Variants in MYO6 observed in about 807,000 individuals in gnomAD.
MYO6 encodes the protein myosin VI, also known as unconventional myosin-VI.
In MYO6, 74 loss-of-function variants were observed where a neutral mutation model predicts 178.7. The observed-to-expected ratio is 0.41, with a 90% CI of 0.34 to 0.50. The LOEUF is 0.50. Among genes scored for constraint, MYO6 ranks in the 20% least tolerant of loss-of-function variants. The probability of loss-of-function intolerance (pLI) is 0.09; values close to 1 mark genes in which losing one functional copy is unlikely to be tolerated. For missense variants in MYO6, 1,330 were observed against 1,547.4 expected, an observed-to-expected ratio of 0.86 and a Z score of 2.36; for synonymous variants, 477 against 504.6, an observed-to-expected ratio of 0.95 and a Z score of 0.73.
At chr6:75,794,561 T>C (rs2150096561) in intron 1 of MYO6, among the ~76,000 whole-genome samples, 1 of 152,124 alleles carries the variant, frequency 6.6e-6, no homozygotes, top group South Asian at 2.1e-4. Flanking sequence ...GTTCAATCAG[T>C]AATTTAAGTA....
At chr6:75,784,172 C>T (rs1355434378) in intron 1 of MYO6, among the ~76,000 whole-genome samples, 6 of 151,768 alleles carry the variant, frequency 4.0e-5, no homozygotes, top group African/African-American at 1.2e-4. Context: ...GGGGTTTCAC[C>T]GTGTTAGCCA....
chr6:75,891,140 T>G, intron 26 of MYO6, 88 bp from the exon 27 acceptor site: 1 of 857,472 alleles, frequency 1.2e-6, no homozygotes. Context: ...CTGTTACCTT[T>G]GTTTATTATT....
chr6:75,885,180 A>T (rs892568157), intron 23 of MYO6, among the ~76,000 whole-genome samples: 6 of 152,216 alleles, frequency 3.9e-5, no homozygotes, highest in African/African-American at 1.2e-4. Flanking sequence ...TAATTTTTGC[A>T]AAGGCAAAAT....
At chr6:75,803,881 T>C (rs1326564011) in intron 1 of MYO6, among the ~76,000 whole-genome samples, 3 of 152,258 alleles carry the variant, frequency 2.0e-5, no homozygotes, top group South Asian at 2.1e-4. Flanking sequence ...CTAGGGAGGC[T>C]TTTTCTTTTT....
At chr6:75,839,082 G>C (rs1773945939) in intron 7 of MYO6, among the ~76,000 whole-genome samples, 1 of 152,072 alleles carries the variant, frequency 6.6e-6, no homozygotes, top group South Asian at 2.1e-4. Context: ...ATCTTTAAAA[G>C]AGTTTAGAGA....
intron 3 of MYO6, among the ~76,000 whole-genome samples, chr6:75,827,445 A>G (rs1325281733): frequency 2.2e-4 from 34 of 152,204 alleles, no homozygotes; most frequent in Admixed American, 2.2e-3. Flanking sequence ...TCATGAATGT[A>G]GGTTTATTAA....
intron 31 of MYO6, 55 bp downstream of exon 31, chr6:75,907,763 ATACC>A (rs1381806377): frequency 7.3e-7 from 1 of 1,361,446 alleles, no homozygotes; most frequent in Non-Finnish European, 1.0e-6. Context: ...TAGGTGATAA[ATACC>A]TAGATTAGGG....
chr6:75,882,405 G>T (rs780345672), intron 23 of MYO6, among the ~76,000 whole-genome samples: 3 of 152,044 alleles, frequency 2.0e-5, no homozygotes, highest in Non-Finnish European at 4.4e-5. Context: ...TTCATAAAAG[G>T]TGAAGTCTAA....
At chr6:75,872,860 A>G (rs1424724377) in intron 19 of MYO6, among the ~76,000 whole-genome samples, 1 of 150,832 alleles carries the variant, frequency 6.6e-6, no homozygotes, top group Non-Finnish European at 1.5e-5. Flanking sequence ...GCTCACTGCA[A>G]CCTCCACCTC....
intron 1 of MYO6, among the ~76,000 whole-genome samples, chr6:75,771,429 C>G (rs1412467995): frequency 6.6e-6 from 1 of 152,094 alleles, no homozygotes; most frequent in Non-Finnish European, 1.5e-5. Flanking sequence ...TATTTTAACT[C>G]AAGGTACATT....
chr6:75,783,282 T>C (rs558070558), intron 1 of MYO6, among the ~76,000 whole-genome samples: 14 of 152,348 alleles, frequency 9.2e-5, no homozygotes, highest in Admixed American at 4.6e-4. Flanking sequence ...TTAGTTTTTC[T>C]ATCCTTTGGG....
intron 1 of MYO6, among the ~76,000 whole-genome samples, chr6:75,787,743 T>C (rs1767792895): frequency 8.6e-6 from 1 of 115,958 alleles, no homozygotes; most frequent in Non-Finnish European, 1.8e-5. Context: ...TATATATATA[T>C]ATATATATAT....
At chr6:75,783,302 A>T (rs1767176904) in intron 1 of MYO6, among the ~76,000 whole-genome samples, 1 of 152,144 alleles carries the variant, frequency 6.6e-6, no homozygotes, top group African/African-American at 2.4e-5. Context: ...GAAATAGCCT[A>T]TAGGCACAAG....
rs919473532 is a variant in MYO6 at position 75,914,808 on chromosome 6, T to C, written c.3659-5T>C. ...TGGTAATTTTCTGATATCTCATGAA[T>C]ACAGGTAAGGACGACATGGAGATGT... is the stretch of plus-strand genomic sequence containing the variant. On this transcript the variant is annotated splice_polypyrimidine_tract_variant and splice_region_variant and intron_variant, in intron 34 of 34. Coordinates refer to ENST00000369977, the MANE Select transcript of MYO6 (RefSeq NM_004999.4). The C allele has an allele frequency of 2.5e-6, 4 of 1,614,032 alleles. No individual in the cohort carries two copies. Among genetic ancestry groups the C allele is most frequent in the Non-Finnish European group, 3.4e-6 (4 of 1,179,892 alleles).
At chr6:75,849,677 G>T (rs1775073562) in intron 11 of MYO6, among the ~76,000 whole-genome samples, 1 of 152,134 alleles carries the variant, frequency 6.6e-6, no homozygotes, top group Non-Finnish European at 1.5e-5. Flanking sequence ...GTCCCGAGTG[G>T]GTAGCCAGAG....
At chr6:75,751,995 C>CTT (rs1239585313) in intron 1 of MYO6, among the ~76,000 whole-genome samples, 5 of 142,518 alleles carry the variant, frequency 3.5e-5, no homozygotes, top group Admixed American at 7.1e-5. Flanking sequence ...TTTATTTATT[C>CTT]TTTTTTTTTT....
intron 18 of MYO6, chr6:75,867,430 G>A (rs1358997348): frequency 2.0e-5 from 5 of 254,668 alleles, no homozygotes; most frequent in South Asian, 4.8e-5. Flanking sequence ...TCCTCATTCA[G>A]CGGTTTTGTT....
chr6:75,906,073 C>G (rs1234099955), intron 30 of MYO6, among the ~76,000 whole-genome samples: 1 of 152,112 alleles, frequency 6.6e-6, no homozygotes, highest in Non-Finnish European at 1.5e-5. Flanking sequence ...ATATCTTGAT[C>G]AATCCTCTTT....
chr6:75,830,703 A>G lies in MYO6; in HGVS notation c.391+158A>G, dbSNP rs74419297. On this transcript the variant is annotated intron_variant, in intron 5 of 34. Transcript: ENST00000369977. ...TATATCAACATTGTTAGGAGCAAGT[A>G]TTTTACACAGGGTGAGGAAGAATAC... is the stretch of plus-strand genomic sequence containing the variant. 0.012 allele frequency among the ~76,000 whole-genome samples: 1,798 copies of G among 152,320 alleles called. 35 individuals carry two copies. The highest frequency in any genetic ancestry group is 0.041 in the African/African-American group (1,714 of 41,566).
Sources: gnomAD v4.1 joint callset for allele counts (sites outside exome capture counted in the v4.1 genomes callset) on GRCh38, gnomAD v4.1.1 for gene constraint, MANE v1.5 for transcripts, NCBI Gene and HGNC (gene_info 2026-07-23, HGNC 2026-07-21) for gene names.